SLC28A1: variants seen among roughly 807,000 people sequenced by gnomAD.
The protein encoded by SLC28A1 is sodium/nucleoside cotransporter 1.
A neutral mutation model predicts 74.8 loss-of-function variants in SLC28A1; 64 were observed. The observed-to-expected ratio is 0.86, with a 90% CI of 0.70 to 1.05. The LOEUF (loss-of-function observed/expected upper bound fraction) is 1.05, where lower values mean the gene tolerates loss of function less well. SLC28A1 is among the 50% of genes least tolerant of loss of function. The pLI, the probability that SLC28A1 is intolerant of heterozygous loss-of-function variation, is 0.00. For missense variants in SLC28A1, 828 were observed against 822.8 expected (o/e 1.01, Z -0.08); for synonymous variants, 359 against 335.0 (o/e 1.07, Z -0.78).
chr15:84,953,713 T>C, the SLC28A1 span, among the ~76,000 whole-genome samples: 2 of 152,164 alleles, frequency 1.3e-5, no homozygotes, highest in African/African-American at 2.4e-5. Flanking sequence ...CAGAGCAAGA[T>C]GCAGTTTCAA....
chr15:84,974,330 C>T, the SLC28A1 span, among the ~76,000 whole-genome samples: 1 of 152,142 alleles, frequency 6.6e-6, no homozygotes, highest in Admixed American at 6.5e-5. Context: ...ATTGCCAAAG[C>T]TTATTTTCAT....
intron 8 of SLC28A1, among the ~76,000 whole-genome samples, chr15:84,908,479 C>T (rs1198735929): frequency 6.6e-6 from 1 of 152,154 alleles, no homozygotes; most frequent in Non-Finnish European, 1.5e-5. Context: ...CCACTGCACC[C>T]AGCCTGCAGA....
chr15:84,907,687 C>T (rs4843002), intron 8 of SLC28A1, among the ~76,000 whole-genome samples: 2 of 151,824 alleles, frequency 1.3e-5, no homozygotes, highest in Non-Finnish European at 2.9e-5. Flanking sequence ...TGTATTTTTA[C>T]CACTTTAAAA....
At chr15:84,920,916 C>A in intron 10 of SLC28A1, 73 bp from the exon 11 acceptor site, 1 of 1,175,992 alleles carries the variant, frequency 8.5e-7, no homozygotes, top group South Asian at 1.2e-5. Context: ...TGTGTAAGGT[C>A]TTCCACTCCA....
rs1189317272 is a variant in SLC28A1 at position 84,889,735 on chromosome 15, TCC to T, written c.186-707_186-706del. Reference sequence around the variant, plus strand: ...TTCCTTCCTTCCTTCCTTCCTTCCTTCCTTCCTTCCTTCCTTCCTTCCTTCCT... The same window carrying T: ...TTCCTTCCTTCCTTCCTTCCTTCCTTTTCCTTCCTTCCTTCCTTCCTTCCT... On this transcript the variant is annotated intron_variant, in intron 4 of 18. Transcript: ENST00000394573. Among the ~76,000 whole-genome samples, 387 of 135,496 alleles carry T rather than the reference TCC, an allele frequency of 2.9e-3. 4 individuals are homozygous for T. Among genetic ancestry groups the T allele is most frequent in the African/African-American group, 9.7e-3 (357 of 36,874 alleles). 88.9% of individuals were successfully genotyped at this position (135,496 alleles called of 152,430 possible).
intron 15 of SLC28A1, among the ~76,000 whole-genome samples, chr15:84,943,214 CA>C (rs561737655): frequency 1.5e-3 from 227 of 151,898 alleles, no homozygotes; most frequent in African/African-American, 5.4e-3. Context: ...AAAAAAGAAA[CA>C]AAAAAAGTTG....
chr15:84,967,535 C>T, the SLC28A1 span, among the ~76,000 whole-genome samples: 1 of 152,206 alleles, frequency 6.6e-6, no homozygotes, highest in Non-Finnish European at 1.5e-5. Flanking sequence ...CAAATTCATT[C>T]AGACACAGAC....
chr15:84,928,615 CT>C lies in SLC28A1; in HGVS notation c.1083+4509del, dbSNP rs373864389. ...CTTTCTTTCTTTCTTTTCTTTCTTT[CT>C]TTTCTTTCTTTCTTTCTTTTTTTTT... is the stretch of plus-strand genomic sequence containing the variant. On this transcript the variant is annotated intron_variant, in intron 12 of 18. Coordinates refer to ENST00000394573, the MANE Select transcript of SLC28A1 (RefSeq NM_004213.5). Among the ~76,000 whole-genome samples the C allele has an allele frequency of 0.056, 263 of 4,732 alleles. 89 individuals are homozygous for C. The East Asian group carries it at 0.63, about 11-fold the overall frequency. The allele number at this position is 4,732 out of a possible 152,430, so 3.1% of individuals were successfully genotyped here. A position where few individuals can be genotyped will look rare whatever the true frequency, so the allele number is the denominator to read the frequency against.
chr15:84,904,770 GATGTGT>G (rs1966870641), intron 7 of SLC28A1, among the ~76,000 whole-genome samples: 2 of 2,768 alleles, frequency 7.2e-4, no homozygotes, highest in Admixed American at 3.6e-3. Flanking sequence ...GCACAATTCT[GATGTGT>G]ACTAAATTCT....
intron 6 of SLC28A1, chr15:84,895,441 G>A (rs765057105): frequency 3.1e-6 from 5 of 1,613,706 alleles, no homozygotes; most frequent in Non-Finnish European, 3.4e-6. Flanking sequence ...CCTGGACAGT[G>A]TGAGACAAAA....
At chr15:84,956,467 CCTT>C in the SLC28A1 span, among the ~76,000 whole-genome samples, 1 of 49,750 alleles carries the variant, frequency 2.0e-5, no homozygotes, top group South Asian at 1.2e-3. Context: ...TTCTTTCTTT[CCTT>C]CTTTCTTTCT....
chr15:84,918,459 C>A (rs1003682325), intron 9 of SLC28A1, 65 bp from the exon 10 acceptor site: 4 of 1,285,344 alleles, frequency 3.1e-6, no homozygotes, highest in Admixed American at 1.7e-5. Context: ...GTCTCCTGGG[C>A]CCCGCCTGGC....
chr15:84,966,815 C>G, the SLC28A1 span, among the ~76,000 whole-genome samples: 1 of 152,210 alleles, frequency 6.6e-6, no homozygotes. Context: ...CCCACCAGGT[C>G]CCTCCCACAA....
rs1325800434 is a variant in SLC28A1 at position 84,887,846 on chromosome 15, T to C, written c.86T>C (p.Leu29Ser). 2 of 1,611,918 alleles carry C rather than the reference T, an allele frequency of 1.2e-6. No homozygotes were observed. Among genetic ancestry groups the C allele is most frequent in the South Asian group, 1.1e-5 (1 of 91,046 alleles). Residue 29 changes from leucine to serine, a missense_variant, in exon 3 of 19, where the codon TTG (leucine) becomes TCG (serine). Physicochemically the swap from Leu to Ser is moderately radical, Grantham distance 145. This residue lies in a region of SLC28A1 where 767 missense variants were observed against 753.5 expected (regional missense o/e 1.02). Coordinates refer to ENST00000394573, the MANE Select transcript of SLC28A1 (RefSeq NM_004213.5). The stretch of plus-strand genomic sequence containing the variant: ...CTGGAGAACATGGGGGCTGATTTCT[T>C]GGAAAGCCTGGTCTGTACCCTTCCC... ...KGLENMGADF[L>S]ESLEEGQLPR...
chr15:84,891,750 G>A (rs1226768598), intron 5 of SLC28A1, among the ~76,000 whole-genome samples: 2 of 152,248 alleles, frequency 1.3e-5, no homozygotes, highest in African/African-American at 4.8e-5. Flanking sequence ...AGATGAGGCT[G>A]TGCAGACAGC....
At chr15:84,924,906 G>C (rs28529444) in intron 12 of SLC28A1, among the ~76,000 whole-genome samples, 1 of 74,604 alleles carries the variant, frequency 1.3e-5, no homozygotes, top group African/African-American at 5.6e-5. Flanking sequence ...AATTTTTTTT[G>C]TTTGTTTGTT....
intron 9 of SLC28A1, among the ~76,000 whole-genome samples, chr15:84,914,062 C>T (rs1359372494): frequency 1.3e-5 from 2 of 152,198 alleles, no homozygotes; most frequent in Non-Finnish European, 2.9e-5. Flanking sequence ...GATCCTCCTG[C>T]CTCAGCCTCC....
intron 9 of SLC28A1, among the ~76,000 whole-genome samples, chr15:84,912,802 G>GCGCA (rs1555449081): frequency 7.2e-5 from 4 of 55,736 alleles, no homozygotes; most frequent in Non-Finnish European, 1.8e-4. Flanking sequence ...AATTTTGCGC[G>GCGCA]CGCGCACACA....
Position 84,924,012 on chromosome 15 carries a change from T to C in SLC28A1, c.985T>C (p.Tyr329His), listed in dbSNP as rs756298601. The change falls in exon 12 of 19, where the codon TAC becomes CAC. Residue 329 changes from tyrosine to histidine, a missense_variant. This residue lies in a region of SLC28A1 where 767 missense variants were observed against 753.5 expected (regional missense o/e 1.02). Coordinates refer to ENST00000394573, the MANE Select transcript of SLC28A1 (RefSeq NM_004213.5). ...QTEAPLLIRP[Y>H]LADMTLSEVH... is the part of the protein sequence containing the mutation. Reference sequence around the variant, plus strand: ...CGAGGCTCCATTACTGATCCGGCCCTACTTGGCAGACATGACACTCTCTGA... The same window carrying C: ...CGAGGCTCCATTACTGATCCGGCCCCACTTGGCAGACATGACACTCTCTGA... 3 of 1,614,072 alleles carry C rather than the reference T, an allele frequency of 1.9e-6. No individual in the cohort carries two copies. Among genetic ancestry groups the C allele is most frequent in the Non-Finnish European group, 2.5e-6 (3 of 1,180,008 alleles).
Sources: allele counts gnomAD v4.1 joint callset (sites outside exome capture counted in the v4.1 genomes callset), GRCh38; gene constraint gnomAD v4.1.1; regional missense constraint gnomAD v4.1.1; transcripts MANE v1.5; gene names NCBI Gene and HGNC (gene_info 2026-07-23, HGNC 2026-07-21).